Variants in ACER3 observed in about 807,000 individuals in gnomAD.
ACER3 encodes alkaline ceramidase 3, also known as alkCDase 3.
In ACER3, 16 loss-of-function variants were observed where a neutral mutation model predicts 48.9. The ratio of observed to expected loss-of-function variants is 0.33; its 90% CI spans 0.22 to 0.50. ACER3 has a LOEUF of 0.50. Among genes scored for constraint, ACER3 ranks in the 20% least tolerant of loss-of-function variants. The pLI, the probability that ACER3 is intolerant of heterozygous loss-of-function variation, is 0.98. For synonymous variants in ACER3, 109 were observed against 107.8 expected (o/e 1.01, Z -0.07); for missense variants, 227 against 326.0 (o/e 0.70, Z 2.34).
rs769455875 is a variant in ACER3 at position 76,985,712 on chromosome 11, A to C, written c.390A>C (p.Leu130Phe). 1 of 1,538,384 alleles carries C rather than the reference A, an allele frequency of 6.5e-7. No homozygotes were observed. The highest frequency in any genetic ancestry group is 8.7e-7 in the Non-Finnish European group (1 of 1,145,120). Residue 130 changes from leucine (L) to phenylalanine (F), a missense_variant, in exon 5 of 11, where the codon TTA becomes TTC. This residue lies in a region of ACER3 where 195 missense variants were observed against 290.8 expected (regional missense o/e 0.67). Transcript: ENST00000532485. ...TTTTTACCTTAGTTCTATTCAGTTT[A>C]ATAGTAACCACAGTAAGTCATATTT... Reference protein sequence around the residue: ...HLLFTLVLFSLIVTTVYLKVK... With the variant: ...HLLFTLVLFSFIVTTVYLKVK...
chr11:76,863,382 A>G (rs1156690225), intron 1 of ACER3, among the ~76,000 whole-genome samples: 1 of 152,194 alleles, frequency 6.6e-6, no homozygotes, highest in African/African-American at 2.4e-5. Context: ...AGCAGACTGC[A>G]GGGAGGGTTT....
Position 77,021,724 on chromosome 11 carries a change from A to G in ACER3, c.*1397A>G. ...TTTTTTTCTTATGCAAAGATGGTAA[A>G]ACACTGTTGTCATTTTTTCCAGTAT... On this transcript the variant is annotated 3_prime_UTR_variant, in exon 11 of 11. Transcript: ENST00000532485. 6.6e-6 allele frequency: 1 copy of G among 152,170 alleles called. No homozygotes were observed. The highest frequency in any genetic ancestry group is 1.9e-4 in the East Asian group (1 of 5,194). 9.4% of individuals were successfully genotyped at this position (152,170 alleles called of 1,614,324 possible). A position where few individuals can be genotyped will look rare whatever the true frequency, so the allele number is the denominator to read the frequency against.
At chr11:77,003,409 CTG>C (rs1384135457) in intron 7 of ACER3, among the ~76,000 whole-genome samples, 1 of 152,130 alleles carries the variant, frequency 6.6e-6, no homozygotes, top group African/African-American at 2.4e-5. Flanking sequence ...CAGTGATAAT[CTG>C]TTTCATTCCT....
At chr11:76,993,726 T>G (rs986292161) in intron 6 of ACER3, among the ~76,000 whole-genome samples, 1 of 152,202 alleles carries the variant, frequency 6.6e-6, no homozygotes, top group African/African-American at 2.4e-5. Flanking sequence ...GGTTTTGGGA[T>G]TCCACCTCAT....
chr11:77,014,820 G>A (rs1190882128), intron 7 of ACER3, among the ~76,000 whole-genome samples, 196 bp from the exon 8 acceptor site: 3 of 152,164 alleles, frequency 2.0e-5, no homozygotes, highest in Non-Finnish European at 4.4e-5. Context: ...ACTGAGATGG[G>A]AGGATACCCT....
intron 1 of ACER3, among the ~76,000 whole-genome samples, chr11:76,898,328 A>G (rs144366780): frequency 0.012 from 1,825 of 152,258 alleles, 16 homozygotes; most frequent in Middle Eastern, 0.017. Context: ...CGAACATAGT[A>G]TTTACATTTC....
intron 1 of ACER3, among the ~76,000 whole-genome samples, chr11:76,918,337 G>T (rs1259417383): frequency 6.6e-6 from 1 of 151,544 alleles, no homozygotes; most frequent in East Asian, 1.9e-4. Context: ...GCATTTATAT[G>T]ATGGTTATTA....
At chr11:76,997,300 A>C (rs1022992772) in intron 6 of ACER3, among the ~76,000 whole-genome samples, 2 of 152,044 alleles carry the variant, frequency 1.3e-5, no homozygotes, top group African/African-American at 2.4e-5. Flanking sequence ...TGGCCTTCCT[A>C]TGTGTTTATA....
Position 77,023,153 on chromosome 11 carries a change from G to A in ACER3, c.*2826G>A, listed in dbSNP as rs1555024881. 5.0e-6 allele frequency: 2 copies of A among 398,430 alleles called. No individual in the cohort carries two copies. Among genetic ancestry groups the A allele is most frequent in the Admixed American group, 4.4e-5 (1 of 22,712 alleles). The allele number at this position is 398,430 out of a possible 1,614,324, so 24.7% of individuals were successfully genotyped here. ...TAATCCTTGTGATAGTAAATGCATT[G>A]ATAATTAACAGGAAAAACATGTTTT... On this transcript the variant is annotated 3_prime_UTR_variant, in exon 11 of 11. Coordinates refer to ENST00000532485, the MANE Select transcript of ACER3 (RefSeq NM_018367.7).
chr11:76,999,975 A>G (rs919901059), intron 7 of ACER3, among the ~76,000 whole-genome samples: 17 of 152,214 alleles, frequency 1.1e-4, no homozygotes, highest in Non-Finnish European at 1.9e-4. Flanking sequence ...ATAAATGCCC[A>G]GAGTGAAATT....
intron 7 of ACER3, 148 bp from the exon 8 acceptor site, chr11:77,014,868 A>C (rs1340985600): frequency 4.8e-6 from 3 of 626,108 alleles, no homozygotes; most frequent in Non-Finnish European, 5.6e-6. Flanking sequence ...TACAATGATC[A>C]CATCTGTGAA....
intron 1 of ACER3, among the ~76,000 whole-genome samples, chr11:76,865,200 G>C (rs1178155293): frequency 2.7e-5 from 4 of 148,398 alleles, no homozygotes; most frequent in Non-Finnish European, 4.5e-5. Flanking sequence ...GCCCAAGCTG[G>C]TCTCAAACTC....
At chr11:77,019,153 T>C (rs1330658303) in intron 9 of ACER3, among the ~76,000 whole-genome samples, 2 of 152,196 alleles carry the variant, frequency 1.3e-5, no homozygotes, top group Non-Finnish European at 2.9e-5. Context: ...GAAAGTCCTA[T>C]GGCCCTTAAG....
intron 1 of ACER3, among the ~76,000 whole-genome samples, chr11:76,914,742 C>T (rs1472495911): frequency 2.6e-5 from 4 of 152,162 alleles, no homozygotes; most frequent in Non-Finnish European, 4.4e-5. Flanking sequence ...AAGACACATG[C>T]ATACGTATGT....
intron 2 of ACER3, among the ~76,000 whole-genome samples, chr11:76,952,715 G>A (rs544967545): frequency 2.0e-5 from 3 of 147,718 alleles, no homozygotes; most frequent in African/African-American, 7.5e-5. Context: ...CGCCCAGGCT[G>A]GAGTGCAGTG....
chr11:76,903,985 C>T (rs537422790), intron 1 of ACER3, among the ~76,000 whole-genome samples: 1 of 152,122 alleles, frequency 6.6e-6, no homozygotes, highest in South Asian at 2.1e-4. Flanking sequence ...TTCCAATACC[C>T]TTATTTTTAT....
chr11:76,947,791 T>C, intron 2 of ACER3, among the ~76,000 whole-genome samples: 1 of 152,356 alleles, frequency 6.6e-6, no homozygotes, highest in South Asian at 2.1e-4. Flanking sequence ...ATTTTTATTT[T>C]TTGGTTAATA....
chr11:77,012,699 T>G (rs1427193563), intron 7 of ACER3, among the ~76,000 whole-genome samples: 2 of 152,188 alleles, frequency 1.3e-5, no homozygotes, highest in African/African-American at 4.8e-5. Flanking sequence ...CACCATTTAA[T>G]GGATTATAAA....
chr11:76,945,864 G>T (rs764529906), intron 2 of ACER3, among the ~76,000 whole-genome samples: 2 of 152,208 alleles, frequency 1.3e-5, no homozygotes, highest in Admixed American at 6.5e-5. Context: ...GGTTGGGCAG[G>T]CTAGTCCTCA....
Sources: gnomAD v4.1 joint callset for allele counts (sites outside exome capture counted in the v4.1 genomes callset) on GRCh38, gnomAD v4.1.1 for gene constraint, gnomAD v4.1.1 regional missense constraint, MANE v1.5 for transcripts, NCBI Gene and HGNC (gene_info 2026-07-23, HGNC 2026-07-21) for gene names.